ST8SIA4: variants seen among roughly 807,000 people sequenced by gnomAD.
ST8SIA4 encodes ST8 alpha-N-acetyl-neuraminide alpha-2,8-sialyltransferase 4, also known as CMP-N-acetylneuraminate-poly-alpha-2,8-sialyltransferase.
Under a neutral mutation model 33.9 loss-of-function variants are expected in ST8SIA4, and 15 were observed. The ratio of observed to expected loss-of-function variants is 0.44; its 90% confidence interval spans 0.30 to 0.68. ST8SIA4 has a LOEUF of 0.68. ST8SIA4 is among the 30% of genes least tolerant of loss of function. The pLI, the probability that ST8SIA4 is intolerant of heterozygous loss-of-function variation, is 0.10. For synonymous variants in ST8SIA4, 171 were observed against 151.2 expected, an observed-to-expected ratio of 1.13 and a Z score of -0.96; for missense variants, 321 against 428.0, an observed-to-expected ratio of 0.75 and a Z score of 2.21.
chr5:100,836,760 T>C (rs561355013), intron 4 of ST8SIA4, among the ~76,000 whole-genome samples: 2 of 152,122 alleles, frequency 1.3e-5, no homozygotes, highest in African/African-American at 4.8e-5. Flanking sequence ...TCTAAAAGCA[T>C]TATCTCCAGA....
rs755334324 is a variant in ST8SIA4 at position 100,886,564 on chromosome 5, A to T, written c.282T>A (p.Asp94Glu). Reference protein sequence around the residue: ...NILRFLDAERDVSVVKSSFKP... With the variant: ...NILRFLDAEREVSVVKSSFKP... Reference sequence around the variant, plus strand: ...TAAAACTGCTCTTGACCACTGACACATCTCGTTCTGCATCTAAGAAACGAA... The same window carrying T: ...TAAAACTGCTCTTGACCACTGACACTTCTCGTTCTGCATCTAAGAAACGAA... Residue 94 changes from aspartate to glutamate, a missense_variant, in exon 3 of 5, where the codon GAT (aspartate) becomes GAA (glutamate). Physicochemically the swap from Asp to Glu is conservative, Grantham distance 45 (BLOSUM62 2). Transcript: ENST00000231461. 6.2e-7 allele frequency: 1 copy of T among 1,613,800 alleles called. No individual in the cohort carries two copies.
intron 1 of ST8SIA4, among the ~76,000 whole-genome samples, chr5:100,899,317 T>A (rs1752846943): frequency 6.6e-6 from 1 of 152,222 alleles, no homozygotes; most frequent in Non-Finnish European, 1.5e-5. Context: ...GATGATAGTT[T>A]CTACCTTAAT....
At chr5:100,900,887 G>C (rs996920915) in intron 1 of ST8SIA4, among the ~76,000 whole-genome samples, 1 of 152,194 alleles carries the variant, frequency 6.6e-6, no homozygotes, top group African/African-American at 2.4e-5. Flanking sequence ...CTGGCAGCAG[G>C]GGATAACCCC....
At chr5:100,843,920 A>G (rs377642629) in intron 4 of ST8SIA4, among the ~76,000 whole-genome samples, 85 of 152,040 alleles carry the variant, frequency 5.6e-4, no homozygotes, top group African/African-American at 1.9e-3. Flanking sequence ...GCATTTTATT[A>G]TCTCTCTCCA....
At chr5:100,895,454 C>T (rs966051047) in intron 2 of ST8SIA4, among the ~76,000 whole-genome samples, 200 bp downstream of exon 2, 3 of 152,000 alleles carry the variant, frequency 2.0e-5, no homozygotes, top group African/African-American at 7.2e-5. Flanking sequence ...ACATATTCAT[C>T]CTTAAATCTC....
chr5:100,811,700 C>A lies in ST8SIA4; in HGVS notation c.*147G>T. ...GAGCACTTTGCAGGTATTTCATCAG[C>A]TGGTAGTCGATTTCTCATGAACGTC... On this transcript the variant is annotated 3_prime_UTR_variant, in exon 5 of 5. Transcript: ENST00000231461. The A allele has an allele frequency of 1.3e-6, 1 of 787,522 alleles. No individual in the cohort carries two copies. Among genetic ancestry groups the A allele is most frequent in the South Asian group, 1.9e-5 (1 of 51,790 alleles). 48.8% of individuals were successfully genotyped at this position (787,522 alleles called of 1,614,324 possible).
chr5:100,835,857 A>T (rs1329180861), intron 4 of ST8SIA4, among the ~76,000 whole-genome samples: 2 of 152,162 alleles, frequency 1.3e-5, no homozygotes, highest in African/African-American at 4.8e-5. Context: ...ATTGAGAGAG[A>T]TATAGAAGTA....
At chr5:100,858,410 A>C (rs1186177487) in intron 3 of ST8SIA4, among the ~76,000 whole-genome samples, 1 of 152,082 alleles carries the variant, frequency 6.6e-6, no homozygotes, top group Non-Finnish European at 1.5e-5. Flanking sequence ...TATTTTCACT[A>C]TAATAGTAAA....
chr5:100,860,506 A>G (rs1374723474), intron 3 of ST8SIA4, among the ~76,000 whole-genome samples: 2 of 152,194 alleles, frequency 1.3e-5, no homozygotes, highest in African/African-American at 2.4e-5. Flanking sequence ...ATTTCTGTGG[A>G]AAGTTGGCAC....
intron 4 of ST8SIA4, among the ~76,000 whole-genome samples, chr5:100,836,423 G>T (rs554566938): frequency 5.9e-5 from 9 of 151,998 alleles, no homozygotes; most frequent in Non-Finnish European, 1.2e-4. Flanking sequence ...GTTGAATGCT[G>T]CATTCATTTT....
At chr5:100,897,760 A>G (rs1007239506) in intron 1 of ST8SIA4, among the ~76,000 whole-genome samples, 4 of 152,218 alleles carry the variant, frequency 2.6e-5, no homozygotes. Context: ...ATAAAAATTA[A>G]TATCTTAAAC....
chr5:100,842,208 G>A (rs1751485399), intron 4 of ST8SIA4, among the ~76,000 whole-genome samples: 1 of 151,760 alleles, frequency 6.6e-6, no homozygotes, highest in South Asian at 2.1e-4. Flanking sequence ...TATATTCTGT[G>A]TTATTTCTCA....
At chr5:100,815,074 C>A (rs1344766761) in intron 4 of ST8SIA4, among the ~76,000 whole-genome samples, 8 of 151,856 alleles carry the variant, frequency 5.3e-5, no homozygotes, top group Admixed American at 4.6e-4. Context: ...CAGCTTTTAT[C>A]CCAACTGTAC....
At chr5:100,814,063 T>C (rs940620269) in intron 4 of ST8SIA4, among the ~76,000 whole-genome samples, 1 of 152,054 alleles carries the variant, frequency 6.6e-6, no homozygotes, top group African/African-American at 2.4e-5. Context: ...TCGAGGTTCA[T>C]GTAACTATGG....
chr5:100,838,115 G>T (rs1428232066), intron 4 of ST8SIA4, among the ~76,000 whole-genome samples: 2 of 151,916 alleles, frequency 1.3e-5, no homozygotes, highest in Admixed American at 1.3e-4. Flanking sequence ...GAGACAAAGC[G>T]GTACATGGGA....
intron 4 of ST8SIA4, among the ~76,000 whole-genome samples, chr5:100,845,543 A>G (rs1344787699): frequency 6.6e-6 from 1 of 151,954 alleles, no homozygotes; most frequent in East Asian, 1.9e-4. Flanking sequence ...AAAGTCAAAT[A>G]AACAAGGGAA....
At chr5:100,865,937 A>T (rs1430000732) in intron 3 of ST8SIA4, among the ~76,000 whole-genome samples, 1 of 152,088 alleles carries the variant, frequency 6.6e-6, no homozygotes, top group Non-Finnish European at 1.5e-5. Flanking sequence ...TAATTATGAG[A>T]ATTCTGTTTG....
intron 1 of ST8SIA4, among the ~76,000 whole-genome samples, chr5:100,899,999 TC>T (rs1752865896): frequency 6.6e-6 from 1 of 152,212 alleles, no homozygotes; most frequent in Admixed American, 6.5e-5. Flanking sequence ...TCGCAGGTAT[TC>T]CTTTGGAGAT....
intron 3 of ST8SIA4, among the ~76,000 whole-genome samples, chr5:100,864,768 T>C (rs1580469909): frequency 6.6e-6 from 1 of 152,058 alleles, no homozygotes; most frequent in Admixed American, 6.6e-5. Flanking sequence ...ACAAAGCACA[T>C]AGCAATATCA....
Sources: allele counts gnomAD v4.1 joint callset (sites outside exome capture counted in the v4.1 genomes callset), GRCh38; gene constraint gnomAD v4.1.1; transcripts MANE v1.5; gene names NCBI Gene and HGNC (gene_info 2026-07-23, HGNC 2026-07-21).